ACSL1: variants seen among roughly 807,000 people sequenced by gnomAD.
ACSL1 encodes long-chain-fatty-acid--CoA ligase 1.
In ACSL1, 41 loss-of-function variants were observed where a neutral mutation model predicts 98.4. The ratio of observed to expected loss-of-function variants is 0.42; its 90% CI spans 0.32 to 0.54. The LOEUF (loss-of-function observed/expected upper bound fraction) is 0.54. Among genes scored for constraint, ACSL1 ranks in the 20% least tolerant of loss-of-function variants. ACSL1 has a pLI of 0.13. For synonymous variants in ACSL1, 316 were observed against 322.7 expected (o/e 0.98, Z 0.22); for missense variants, 734 against 883.1 (o/e 0.83, Z 2.14).
At chr4:184,775,707 T>C (rs527339540) in intron 7 of ACSL1, among the ~76,000 whole-genome samples, 6 of 152,202 alleles carry the variant, frequency 3.9e-5, no homozygotes, top group Admixed American at 3.3e-4. Flanking sequence ...AAATTCTTTG[T>C]AGGAGGAGGA....
intron 15 of ACSL1, among the ~76,000 whole-genome samples, chr4:184,764,091 T>G (rs189455581): frequency 1.6e-3 from 245 of 152,274 alleles, no homozygotes; most frequent in African/African-American, 5.5e-3. Flanking sequence ...CCAAATAAGC[T>G]GGGAAGTTTA....
chr4:184,800,375 C>T lies in ACSL1; in HGVS notation c.195+2945G>A, dbSNP rs150860528. Among the ~76,000 whole-genome samples the T allele has an allele frequency of 3.7e-3, 564 of 152,266 alleles. 1 individual carries two copies. Among genetic ancestry groups the T allele is most frequent in the Non-Finnish European group, 6.2e-3 (419 of 68,020 alleles). ...CCTGTACTTTGCTTAACTGCAACCA[C>T]GTGTGTCTGGGCTCCGACCAATCCG... On this transcript the variant is annotated intron_variant, in intron 2 of 20. Transcript: ENST00000281455.
At position 184,815,005 on chromosome 4, in the gene ACSL1, T is replaced by C. The variant is rs547994938; in HGVS notation, c.-33+10911A>G. 538 of 456,226 alleles carry C rather than the reference T, an allele frequency of 1.2e-3. 5 individuals are homozygous for C. The highest frequency in any genetic ancestry group is 8.1e-3 in the South Asian group (524 of 64,564). The allele number at this position is 456,226 out of a possible 1,614,324, so 28.3% of individuals were successfully genotyped here. The stretch of plus-strand genomic sequence containing the variant: ...TGAGGATAAAATACTTACAAGGTTT[T>C]CTTTGCCTTCAGCAAGTTTAGGATA... On this transcript the variant is annotated intron_variant, in intron 1 of 20. Transcript: ENST00000281455.
chr4:184,789,699 C>T (rs188720626), intron 2 of ACSL1, among the ~76,000 whole-genome samples: 137 of 152,286 alleles, frequency 9.0e-4, no homozygotes, highest in African/African-American at 3.1e-3. Flanking sequence ...ATGGATAAGG[C>T]GGCAGGGCCT....
Position 184,765,762 on chromosome 4 carries a change from A to G in ACSL1, c.1359+129T>C, listed in dbSNP as rs544858628. The stretch of plus-strand genomic sequence containing the variant: ...CATCAAAACATCATGTTGTTACGCC[A>G]TAAATATAGATACGCTTGTCAATTA... On this transcript the variant is annotated intron_variant, in intron 14 of 20. Transcript: ENST00000281455. 274 of 724,194 alleles carry G rather than the reference A, an allele frequency of 3.8e-4. 2 individuals carry two copies. In the South Asian group the frequency reaches 5.3e-3, roughly 14 times the overall value. 44.9% of individuals were successfully genotyped at this position (724,194 alleles called of 1,614,324 possible). A position where few individuals can be genotyped will look rare whatever the true frequency, so the allele number is the denominator to read the frequency against.
chr4:184,813,780 C>G, intron 1 of ACSL1: 2 of 454,100 alleles, frequency 4.4e-6, no homozygotes, highest in Non-Finnish European at 4.4e-6. Context: ...CACAACTGAA[C>G]AGCAGAGAGG....
intron 4 of ACSL1, among the ~76,000 whole-genome samples, chr4:184,781,365 A>G (rs1394843268): frequency 6.6e-6 from 1 of 152,120 alleles, no homozygotes; most frequent in Non-Finnish European, 1.5e-5. Flanking sequence ...AATCACTAAG[A>G]AAATGCTACA....
intron 17 of ACSL1, among the ~76,000 whole-genome samples, chr4:184,760,934 T>A (rs1762771711): frequency 6.6e-6 from 1 of 152,232 alleles, no homozygotes; most frequent in Non-Finnish European, 1.5e-5. Flanking sequence ...AAATGTTTCC[T>A]ACACAAAGGC....
chr4:184,808,907 G>A (rs1771755585), intron 1 of ACSL1, among the ~76,000 whole-genome samples: 1 of 152,158 alleles, frequency 6.6e-6, no homozygotes, highest in Non-Finnish European at 1.5e-5. Flanking sequence ...TGTGGTCACT[G>A]CTCTGGGCCC....
chr4:184,807,083 T>C (rs1771523945), intron 1 of ACSL1, among the ~76,000 whole-genome samples: 1 of 152,054 alleles, frequency 6.6e-6, no homozygotes, highest in Non-Finnish European at 1.5e-5. Flanking sequence ...CCAAAGAAAA[T>C]CAGGCACAAG....
intron 3 of ACSL1, 28 bp downstream of exon 3, chr4:184,788,589 A>G (rs1767817919): frequency 6.4e-7 from 1 of 1,552,534 alleles, no homozygotes; most frequent in African/African-American, 1.4e-5. Flanking sequence ...GGCGAGCGGG[A>G]GCCACGCAAA....
At chr4:184,770,514 A>G (rs1277315639) in intron 10 of ACSL1, 38 bp from the exon 11 acceptor site, 9 of 1,382,234 alleles carry the variant, frequency 6.5e-6, no homozygotes, top group African/African-American at 1.5e-5. Flanking sequence ...AAAAGCATTA[A>G]GACTCCCAGT....
Position 184,757,245 on chromosome 4 carries a change from GT to G in ACSL1, c.1976del (p.His659ProfsTer12), listed in dbSNP as rs1561165845. ...PFEQVKGITL[H>X]PELFSIDNGL... ...CATTGTCGATAGAAAATAATTCAGGGTGCAATGTGATGCCTTTGACCTGCCA... is the reference window on the plus strand; with the variant it reads ...CATTGTCGATAGAAAATAATTCAGGGGCAATGTGATGCCTTTGACCTGCCA... On this transcript the variant is annotated frameshift_variant, in exon 21 of 21. Coordinates refer to ENST00000281455, the MANE Select transcript of ACSL1 (RefSeq NM_001995.5). LOFTEE classifies it high-confidence loss of function. The surrounding 1 kb of genome is among the most constrained non-coding windows in gnomAD (Gnocchi z 4.5). 6.2e-7 allele frequency: 1 copy of G among 1,602,000 alleles called. No homozygotes were observed. The highest frequency in any genetic ancestry group is 8.5e-7 in the Non-Finnish European group (1 of 1,170,404).
chr4:184,813,852 C>A (rs374816265), intron 1 of ACSL1: 1 of 456,146 alleles, frequency 2.2e-6, no homozygotes, highest in Non-Finnish European at 4.4e-6. Flanking sequence ...TTTCCTCCTC[C>A]GAGGGCCATG....
intron 5 of ACSL1, 71 bp downstream of exon 5, chr4:184,780,261 C>G (rs1766016836): frequency 1.5e-6 from 2 of 1,301,868 alleles, no homozygotes; most frequent in African/African-American, 1.5e-5. Flanking sequence ...AATCTGGTCT[C>G]TAGCAGAAGT....
At chr4:184,794,251 T>C (rs1009497520) in intron 2 of ACSL1, among the ~76,000 whole-genome samples, 2 of 152,254 alleles carry the variant, frequency 1.3e-5, no homozygotes, top group African/African-American at 2.4e-5. Context: ...AGAGGAACTC[T>C]GGCCATCAAT....
intron 1 of ACSL1, chr4:184,814,047 TAGAG>T (rs955431544): frequency 1.4e-5 from 5 of 360,474 alleles, no homozygotes; most frequent in Non-Finnish European, 2.9e-5. Context: ...TCCCAGCACT[TAGAG>T]AGGCCGAGGC....
intron 11 of ACSL1, among the ~76,000 whole-genome samples, chr4:184,769,816 A>G (rs1385378662): frequency 2.0e-5 from 3 of 152,238 alleles, no homozygotes; most frequent in Non-Finnish European, 4.4e-5. Flanking sequence ...AAAGAAGGAA[A>G]AAAGGTGGTT....
At chr4:184,795,105 C>A (rs374596505) in intron 2 of ACSL1, among the ~76,000 whole-genome samples, 1 of 150,080 alleles carries the variant, frequency 6.7e-6, no homozygotes, top group South Asian at 2.1e-4. Context: ...AATAGGACTG[C>A]CCGTAGAAAT....
Sources: allele counts gnomAD v4.1 joint callset (sites outside exome capture counted in the v4.1 genomes callset), GRCh38; gene constraint gnomAD v4.1.1; non-coding constraint Gnocchi (gnomAD v3.1); transcripts MANE v1.5; gene names NCBI Gene and HGNC (gene_info 2026-07-23, HGNC 2026-07-21).